SLCO1B1: variants seen among roughly 807,000 people sequenced by gnomAD.
The protein encoded by SLCO1B1 is OATP-2.
SLCO1B1 carries 81 observed loss-of-function variants against 70.1 expected under a neutral mutation model. That is an observed-to-expected ratio of 1.16 (90% CI 0.97 to 1.39). The LOEUF (loss-of-function observed/expected upper bound fraction) is 1.39, where lower values mean the gene tolerates loss of function less well. Ranked by LOEUF, SLCO1B1 falls within the 40% of genes most tolerant of loss-of-function variation. SLCO1B1 has a pLI of 0.00. For missense variants in SLCO1B1, 895 were observed against 799.6 expected (o/e 1.12, Z -1.44); for synonymous variants, 283 against 271.5 (o/e 1.04, Z -0.42).
At chr12:21,235,803 C>T (rs1446912144) in intron 14 of SLCO1B1, among the ~76,000 whole-genome samples, 1 of 148,772 alleles carries the variant, frequency 6.7e-6, no homozygotes, top group Non-Finnish European at 1.5e-5. Flanking sequence ...ATTCACAAAT[C>T]TTCATTTGGG....
intron 7 of SLCO1B1, among the ~76,000 whole-genome samples, chr12:21,181,031 T>C (rs1237765759): frequency 6.6e-6 from 1 of 152,048 alleles, no homozygotes; most frequent in African/African-American, 2.4e-5. Context: ...GAGTAAAGAG[T>C]GCCAGGAACA....
At chr12:21,210,035 T>C (rs1941262186) in intron 11 of SLCO1B1, among the ~76,000 whole-genome samples, 1 of 149,124 alleles carries the variant, frequency 6.7e-6, no homozygotes, top group African/African-American at 2.4e-5. Context: ...TGGTAGTTTT[T>C]TTTGCTGTGC....
intron 2 of SLCO1B1, among the ~76,000 whole-genome samples, chr12:21,170,780 C>G (rs940068219): frequency 5.9e-5 from 9 of 151,996 alleles, no homozygotes; most frequent in Non-Finnish European, 1.2e-4. Flanking sequence ...TTTTGAATTC[C>G]TTTTATCTTC....
Position 21,172,761 on chromosome 12 carries a change from G to A in SLCO1B1, c.196G>A (p.Val66Ile). ...ERRFEISSSLVGFIDGSFEIG... is the reference protein window; with the variant it reads ...ERRFEISSSLIGFIDGSFEIG... ...GAGATTTGAGATATCCTCTTCTCTT[G>A]TTGGTTTTATTGACGGAAGCTTTGA... The change falls in exon 3 of 15, where the codon GTT (valine) becomes ATT (isoleucine). Residue 66 changes from valine to isoleucine, a missense_variant. By Grantham distance (29) the Val-to-Ile change is conservative. Coordinates refer to ENST00000256958, the MANE Select transcript of SLCO1B1 (RefSeq NM_006446.5). 6.2e-7 allele frequency: 1 copy of A among 1,613,344 alleles called. No homozygotes were observed. Among genetic ancestry groups the A allele is most frequent in the Non-Finnish European group, 8.5e-7 (1 of 1,179,722 alleles).
At chr12:21,176,684 G>A (rs1323223484) in intron 4 of SLCO1B1, 92 bp from the exon 5 acceptor site, 3 of 1,016,194 alleles carry the variant, frequency 3.0e-6, no homozygotes, top group Non-Finnish European at 4.6e-6. Flanking sequence ...AGATAATGGT[G>A]CAAATAAAGG....
chr12:21,160,712 A>G (rs953969830), intron 2 of SLCO1B1, among the ~76,000 whole-genome samples: 2 of 152,136 alleles, frequency 1.3e-5, no homozygotes, highest in Non-Finnish European at 2.9e-5. Flanking sequence ...GAAACTGTCA[A>G]CAGCATAAAC....
At chr12:21,139,474 G>A (rs912451522) in intron 1 of SLCO1B1, among the ~76,000 whole-genome samples, 3 of 152,088 alleles carry the variant, frequency 2.0e-5, no homozygotes, top group African/African-American at 7.2e-5. Flanking sequence ...TCACATATAT[G>A]TAAGTGATAA....
At chr12:21,158,526 T>C (rs1157936809) in intron 2 of SLCO1B1, among the ~76,000 whole-genome samples, 1 of 152,020 alleles carries the variant, frequency 6.6e-6, no homozygotes, top group Non-Finnish European at 1.5e-5. Context: ...AAACCCCATC[T>C]CTACTAAAAA....
intron 14 of SLCO1B1, among the ~76,000 whole-genome samples, chr12:21,226,794 G>C (rs1591828564): frequency 1.3e-5 from 2 of 152,082 alleles, no homozygotes; most frequent in East Asian, 3.9e-4. Flanking sequence ...TTAATGATAG[G>C]GGAAACTGTA....
chr12:21,211,740 C>T (rs1941288723), intron 11 of SLCO1B1, among the ~76,000 whole-genome samples: 1 of 152,158 alleles, frequency 6.6e-6, no homozygotes, highest in Admixed American at 6.5e-5. Flanking sequence ...AATTTCAGAT[C>T]CTGTTATTGG....
At chr12:21,180,466 C>T (rs556696430) in intron 7 of SLCO1B1, among the ~76,000 whole-genome samples, 1 of 152,228 alleles carries the variant, frequency 6.6e-6, no homozygotes, top group East Asian at 1.9e-4. Context: ...TGCTTACTTG[C>T]CATCTCTTTA....
intron 2 of SLCO1B1, among the ~76,000 whole-genome samples, chr12:21,161,270 G>A (rs931562714): frequency 6.6e-6 from 1 of 152,164 alleles, no homozygotes; most frequent in African/African-American, 2.4e-5. Flanking sequence ...TAACCTATAT[G>A]CCCATCAATG....
intron 7 of SLCO1B1, among the ~76,000 whole-genome samples, chr12:21,185,404 A>C (rs995095420): frequency 6.6e-6 from 1 of 152,128 alleles, no homozygotes; most frequent in Non-Finnish European, 1.5e-5. Context: ...TTTTGAGTAC[A>C]TTCTTGAACA....
At chr12:21,230,021 AGTTG>A (rs1177125707) in intron 14 of SLCO1B1, among the ~76,000 whole-genome samples, 1 of 152,150 alleles carries the variant, frequency 6.6e-6, no homozygotes, top group East Asian at 1.9e-4. Context: ...TTTTTGATCA[AGTTG>A]AGGAGGTTCT....
intron 14 of SLCO1B1, among the ~76,000 whole-genome samples, chr12:21,231,869 A>G (rs1053125049): frequency 1.3e-5 from 2 of 152,078 alleles, no homozygotes; most frequent in Admixed American, 6.5e-5. Flanking sequence ...AATCCTTTAT[A>G]TCTCTTATTA....
intron 7 of SLCO1B1, among the ~76,000 whole-genome samples, chr12:21,180,186 AC>A (rs1254524668): frequency 6.6e-6 from 1 of 152,024 alleles, no homozygotes; most frequent in African/African-American, 2.4e-5. Flanking sequence ...CTCCAACCCC[AC>A]TGTATTCCCT....
At chr12:21,193,105 A>G (rs1267814063) in intron 7 of SLCO1B1, among the ~76,000 whole-genome samples, 1 of 152,164 alleles carries the variant, frequency 6.6e-6, no homozygotes, top group Non-Finnish European at 1.5e-5. Flanking sequence ...GACCTGTTGC[A>G]TGATGTAACA....
At chr12:21,230,954 C>T (rs1174983014) in intron 14 of SLCO1B1, among the ~76,000 whole-genome samples, 1 of 148,804 alleles carries the variant, frequency 6.7e-6, no homozygotes, top group Non-Finnish European at 1.5e-5. Context: ...GTATATCTCT[C>T]AGTGCTATCC....
At chr12:21,234,690 T>G (rs1941577638) in intron 14 of SLCO1B1, among the ~76,000 whole-genome samples, 1 of 152,180 alleles carries the variant, frequency 6.6e-6, no homozygotes, top group Non-Finnish European at 1.5e-5. Context: ...CAATAAACTT[T>G]CCACTTTATG....
Sources: gnomAD v4.1 joint callset for allele counts (sites outside exome capture counted in the v4.1 genomes callset) on GRCh38, gnomAD v4.1.1 for gene constraint, MANE v1.5 for transcripts, NCBI Gene and HGNC (gene_info 2026-07-23, HGNC 2026-07-21) for gene names.